Variants in DOCK1 observed in about 807,000 individuals in gnomAD.
DOCK1 encodes the protein dedicator of cytokinesis protein 1.
Under a neutral mutation model 262.7 loss-of-function variants are expected in DOCK1, and 138 were observed. That is an observed-to-expected ratio of 0.53 (90% CI 0.46 to 0.61). The LOEUF (loss-of-function observed/expected upper bound fraction) is 0.61, where lower values mean the gene tolerates loss of function less well. Ranked by LOEUF, DOCK1 falls within the 20% of genes least tolerant of loss-of-function variation. The pLI, the probability that DOCK1 is intolerant of heterozygous loss-of-function variation, is 0.00. For missense variants in DOCK1, 1,908 were observed against 2,370.7 expected (o/e 0.80, Z 4.05); for synonymous variants, 866 against 867.4 (o/e 1.00, Z 0.03).
intron 12 of DOCK1, among the ~76,000 whole-genome samples, chr10:127,017,811 G>A (rs1040577928): frequency 4.1e-4 from 63 of 152,160 alleles, no homozygotes; most frequent in Non-Finnish European, 7.4e-4. Context: ...AGATGCCGTC[G>A]TCGTAGAAGA....
intron 27 of DOCK1, chr10:127,153,808 G>T: frequency 7.0e-7 from 1 of 1,434,512 alleles, no homozygotes; most frequent in Non-Finnish European, 9.8e-7. Flanking sequence ...AACATCATTT[G>T]TCACTCATAA....
chr10:127,001,929 C>G (rs1159964589), intron 10 of DOCK1, among the ~76,000 whole-genome samples: 6 of 152,198 alleles, frequency 3.9e-5, no homozygotes, highest in African/African-American at 1.4e-4. Context: ...GTGATGACAG[C>G]TCACTGCTGC....
rs190174366 is a variant in DOCK1, at chr10:127,309,055, A to G, written c.3045-29951A>G. Among the ~76,000 whole-genome samples the G allele has an allele frequency of 9.2e-5, 14 of 152,356 alleles. No individual in the cohort carries two copies. The East Asian group carries it at 2.7e-3, about 29-fold the overall frequency. On this transcript the variant is annotated intron_variant, in intron 29 of 51. Coordinates refer to ENST00000623213, the MANE Select transcript of DOCK1 (RefSeq NM_001290223.2). ...TGAACAAATTTATATTCCCACCAACAGTGTAAAAGTCTTCCTATTTCTCCA... is the reference window on the plus strand; with the variant it reads ...TGAACAAATTTATATTCCCACCAACGGTGTAAAAGTCTTCCTATTTCTCCA...
chr10:127,035,906 G>A (rs2043563425), intron 18 of DOCK1, among the ~76,000 whole-genome samples: 1 of 151,974 alleles, frequency 6.6e-6, no homozygotes, highest in African/African-American at 2.4e-5. Context: ...GGAGGCTGTG[G>A]TGGGAGGATT....
At chr10:127,241,444 G>T (rs1349921941) in intron 27 of DOCK1, among the ~76,000 whole-genome samples, 2 of 152,086 alleles carry the variant, frequency 1.3e-5, no homozygotes, top group Admixed American at 6.5e-5. Flanking sequence ...AATGCTGGAT[G>T]AATTTTTTTC....
intron 23 of DOCK1, among the ~76,000 whole-genome samples, chr10:127,102,898 GC>G (rs1257646533): frequency 6.6e-6 from 1 of 152,086 alleles, no homozygotes; most frequent in Non-Finnish European, 1.5e-5. Flanking sequence ...GTACAGCTCT[GC>G]CAGTTTTGAC....
rs898213023 is a variant in DOCK1, at chr10:126,942,048, G to A, written c.47-28654G>A. ...GCTCTTTTTCTTTTTTTTTTGAGAC[G>A]GAGTCTCGCTCTGTCGCCCAGGCTG... On this transcript the variant is annotated intron_variant, in intron 1 of 51. Transcript: ENST00000623213. Among the ~76,000 whole-genome samples the A allele has an allele frequency of 7.3e-5, 11 of 151,430 alleles. No homozygotes were observed. The East Asian group carries it at 7.9e-4, about 11-fold the overall frequency.
rs745842428 is a variant in DOCK1 at position 126,977,978 on chromosome 10, A to T, written c.161A>T (p.Lys54Met). The change falls in exon 3 of 52, where the codon AAG (lysine) becomes ATG (methionine). Residue 54 changes from lysine to methionine, a missense_variant. Around this residue, in one of 9 missense-constraint regions of DOCK1, gnomAD observed 227 missense variants for 254.1 expected, o/e 0.89. Coordinates refer to ENST00000623213, the MANE Select transcript of DOCK1 (RefSeq NM_001290223.2). Reference sequence around the variant, plus strand: ...TACCGAGGTTACACGTTACGAAAAAAGTCTAAGAAGGTAAGTCCTTCTTCT... The same window carrying T: ...TACCGAGGTTACACGTTACGAAAAATGTCTAAGAAGGTAAGTCCTTCTTCT... Reference protein sequence around the residue: ...GWYRGYTLRKKSKKGIFPASY... With the variant: ...GWYRGYTLRKMSKKGIFPASY... The T allele has an allele frequency of 1.2e-5, 20 of 1,613,864 alleles. No homozygotes were observed. The highest frequency in any genetic ancestry group is 1.4e-5 in the Non-Finnish European group (16 of 1,179,890).
rs1011238952 is a variant in DOCK1, at chr10:126,995,001, C to T, written c.474-1747C>T. ...TCAGAGACGCTCCTCACCTCCCAGA[C>T]GGGGTGGCGGCGGGGCAGAGACACT... On this transcript the variant is annotated intron_variant, in intron 6 of 51. Coordinates refer to ENST00000623213, the MANE Select transcript of DOCK1 (RefSeq NM_001290223.2). This position sits in a 1 kb window ranked among gnomAD's most constrained non-coding sequence, Gnocchi z 5.8. Among the ~76,000 whole-genome samples the T allele has an allele frequency of 4.4e-4, 67 of 151,448 alleles. No homozygotes were observed. The highest frequency in any genetic ancestry group is 3.9e-3 in the Admixed American group (59 of 15,230).
intron 23 of DOCK1, among the ~76,000 whole-genome samples, chr10:127,083,506 A>G (rs1306241669): frequency 6.6e-6 from 1 of 152,104 alleles, no homozygotes; most frequent in East Asian, 1.9e-4. Flanking sequence ...CATCTAAGAA[A>G]CTCACTAACT....
chr10:127,408,889 C>G (rs1335918511), intron 40 of DOCK1, 148 bp from the exon 41 acceptor site: 2 of 1,085,010 alleles, frequency 1.8e-6, no homozygotes, highest in Non-Finnish European at 2.5e-6. Context: ...AACGCAAGTA[C>G]AAAAAAAAAT....
chr10:127,063,716 A>G (rs1410973796), intron 23 of DOCK1, among the ~76,000 whole-genome samples: 2 of 152,250 alleles, frequency 1.3e-5, no homozygotes, highest in African/African-American at 4.8e-5. Flanking sequence ...TGAGCCCAGC[A>G]GTAATTTTAG....
At chr10:127,292,645 C>G (rs1044682752) in intron 29 of DOCK1, among the ~76,000 whole-genome samples, 1 of 152,206 alleles carries the variant, frequency 6.6e-6, no homozygotes, top group Non-Finnish European at 1.5e-5. Context: ...CTCAGATGCA[C>G]TGTTGCTTAC....
At chr10:127,348,701 G>T (rs1457381033) in intron 31 of DOCK1, among the ~76,000 whole-genome samples, 1 of 152,048 alleles carries the variant, frequency 6.6e-6, no homozygotes, top group Non-Finnish European at 1.5e-5. Context: ...GTTCTAAGAG[G>T]ATAGGTTTCA....
chr10:127,224,898 A>G (rs1454564952), intron 27 of DOCK1, among the ~76,000 whole-genome samples: 4 of 152,156 alleles, frequency 2.6e-5, no homozygotes, highest in African/African-American at 9.7e-5. Flanking sequence ...CGATGGAGCC[A>G]TTGAGTACAT....
intron 29 of DOCK1, among the ~76,000 whole-genome samples, chr10:127,325,216 G>A (rs1020191282): frequency 3.3e-5 from 5 of 152,090 alleles, no homozygotes; most frequent in Admixed American, 6.5e-5. Flanking sequence ...AAGAATAGCC[G>A]AAGCACCCAC....
intron 29 of DOCK1, among the ~76,000 whole-genome samples, chr10:127,285,587 G>A (rs2061120983): frequency 6.6e-6 from 1 of 152,212 alleles, no homozygotes; most frequent in African/African-American, 2.4e-5. Context: ...ACTCCGTGCT[G>A]AGGACCCTAG....
At chr10:127,084,335 A>G (rs1412223274) in intron 23 of DOCK1, among the ~76,000 whole-genome samples, 1 of 152,212 alleles carries the variant, frequency 6.6e-6, no homozygotes, top group African/African-American at 2.4e-5. Context: ...ATCTGGTTCA[A>G]AGACCCTCTC....
At position 127,175,087 on chromosome 10, in the gene DOCK1, T is replaced by C. The variant is rs1445882217; in HGVS notation, c.2847+47323T>C. On this transcript the variant is annotated intron_variant, in intron 27 of 51. Coordinates refer to ENST00000623213, the MANE Select transcript of DOCK1 (RefSeq NM_001290223.2). The surrounding 1 kb of genome is among the most constrained non-coding windows in gnomAD (Gnocchi z 6.3). ...GACCCCTTGGAGCTCGCCACGCCCT[T>C]AGACTATGACCTGTTTACGGAAATG... The C allele has an allele frequency of 4.8e-6, 4 of 837,234 alleles. No individual in the cohort carries two copies. The highest frequency in any genetic ancestry group is 7.7e-6 in the Non-Finnish European group (4 of 516,146). 51.9% of individuals were successfully genotyped at this position (837,234 alleles called of 1,614,324 possible). A position where few individuals can be genotyped will look rare whatever the true frequency, so the allele number is the denominator to read the frequency against.
Sources: gnomAD v4.1 joint callset for allele counts (sites outside exome capture counted in the v4.1 genomes callset) on GRCh38, gnomAD v4.1.1 for gene constraint, gnomAD v4.1.1 regional missense constraint, Gnocchi (gnomAD v3.1) non-coding constraint, MANE v1.5 for transcripts, NCBI Gene and HGNC (gene_info 2026-07-23, HGNC 2026-07-21) for gene names.